The following CUL7 variants were observed in gnomAD, a reference collection of about 807,000 sequenced individuals.
The protein encoded by CUL7 is cullin-7.
Under a neutral mutation model 177.7 loss-of-function variants are expected in CUL7, and 96 were observed. The ratio of observed to expected loss-of-function variants is 0.54; its 90% CI spans 0.46 to 0.64. The LOEUF is 0.64. CUL7 is among the 30% of genes least tolerant of loss of function. CUL7 has a pLI of 0.00. For synonymous variants in CUL7, 824 were observed against 890.2 expected (o/e 0.93, Z 1.32); for missense variants, 1,893 against 2,187.9 (o/e 0.87, Z 2.69).
chr6:43,049,595 G>A lies in CUL7; in HGVS notation c.1637C>T (p.Thr546Ile). ...PIELAQDLLL[T>I]LPQRLNDSAL... ...ACTGTCATTGAGTCGCTGTGGCAGA[G>A]TCAGCAGCAAGTCCTGGGCCAATTC... The change falls in exon 7 of 26, where the codon ACT becomes ATT. Residue 546 changes from threonine to isoleucine, a missense_variant. Thr to Ile is a moderately conservative substitution (Grantham distance 89). Transcript: ENST00000265348. The A allele has an allele frequency of 1.2e-6, 2 of 1,614,222 alleles. No individual in the cohort carries two copies. Among genetic ancestry groups the A allele is most frequent in the Non-Finnish European group, 8.5e-7 (1 of 1,180,028 alleles).
At position 43,043,019 on chromosome 6, in the gene CUL7, C is replaced by A. The variant is rs779836079; in HGVS notation, c.3463-35G>T. ...AGGGGCAGGAGCATGAAGACACAAC[C>A]CAACATGCCACCATTATGGTGTCCC... is the stretch of plus-strand genomic sequence containing the variant. On this transcript the variant is annotated intron_variant, in intron 18 of 25. Transcript: ENST00000265348. The surrounding 1 kb of genome is among the most constrained non-coding windows in gnomAD (Gnocchi z 4.2). 6.8e-6 allele frequency: 11 copies of A among 1,613,526 alleles called. No homozygotes were observed. The highest frequency in any genetic ancestry group is 6.6e-5 in the South Asian group (6 of 91,066).
chr6:43,044,642 G>T, intron 16 of CUL7, 110 bp downstream of exon 16: 1 of 1,445,492 alleles, frequency 6.9e-7, no homozygotes, highest in Non-Finnish European at 9.3e-7. Flanking sequence ...AAATGCAGGT[G>T]CCAAAAGGGC....
At position 43,052,744 on chromosome 6, in the gene CUL7, C is replaced by A; in HGVS notation, c.45G>T (p.Gly15=). Residue 15 remains glycine (G), a synonymous_variant, in exon 2 of 26, where the codon GGG becomes GGT. Transcript: ENST00000265348. The surrounding 1 kb of genome is among the most constrained non-coding windows in gnomAD (Gnocchi z 4.5). The part of the protein sequence containing the change: ...LRYREFRVPL[G]PGLHAYPDEL... Reference sequence around the variant, plus strand: ...CATCAGGATAGGCATGTAAGCCGGGCCCCAGGGGCACCCTGAATTCCCTGT... The same window carrying A: ...CATCAGGATAGGCATGTAAGCCGGGACCCAGGGGCACCCTGAATTCCCTGT... The A allele has an allele frequency of 1.2e-6, 2 of 1,610,562 alleles. No individual in the cohort carries two copies. Among genetic ancestry groups the A allele is most frequent in the Non-Finnish European group, 8.5e-7 (1 of 1,180,024 alleles).
At chr6:43,042,656 C>T in intron 19 of CUL7, 146 bp downstream of exon 19, 6 of 658,718 alleles carry the variant, frequency 9.1e-6, no homozygotes, top group Middle Eastern at 4.1e-4. Context: ...TTATTTTTTT[C>T]AATTTTTTAA....
rs1483402401 is a variant in CUL7, at chr6:43,043,214, G to A, written c.3356-34C>T. ...ACCAAGAAAGTGGCAGAGGCAAGGA[G>A]GGTGCAGCCCCTCCACTCCCAAGTC... On this transcript the variant is annotated intron_variant, in intron 17 of 25. Transcript: ENST00000265348. This position sits in a 1 kb window ranked among gnomAD's most constrained non-coding sequence, Gnocchi z 4.2. The A allele has an allele frequency of 5.1e-6, 8 of 1,557,820 alleles. No homozygotes were observed. The East Asian group carries it at 1.6e-4, about 31-fold the overall frequency.
rs760831651 is a variant in CUL7 at position 43,050,425 on chromosome 6, AG to A, written c.1234-28del. The A allele has an allele frequency of 6.2e-7, 1 of 1,613,514 alleles. No individual in the cohort carries two copies. The highest frequency in any genetic ancestry group is 1.3e-5 in the African/African-American group (1 of 74,930). Reference sequence around the variant, plus strand: ...TGGAGCATAGGGAAAGAAAGAGGGAAGGGGAAGGGAGGACTCACAAATGACT... The same window carrying A: ...TGGAGCATAGGGAAAGAAAGAGGGAAGGGAAGGGAGGACTCACAAATGACT... On this transcript the variant is annotated intron_variant, in intron 4 of 25. Transcript: ENST00000265348. This position sits in a 1 kb window ranked among gnomAD's most constrained non-coding sequence, Gnocchi z 4.1.
rs752831085 is a variant in CUL7, at chr6:43,040,566, T to C, written c.3987A>G (p.Glu1329=). 8.1e-6 allele frequency: 13 copies of C among 1,613,960 alleles called. No individual in the cohort carries two copies. Among genetic ancestry groups the C allele is most frequent in the East Asian group, 2.2e-5 (1 of 44,888 alleles). Residue 1329 remains glutamate (E), a synonymous_variant, in exon 21 of 26, where the codon GAA becomes GAG. Coordinates refer to ENST00000265348, the MANE Select transcript of CUL7 (RefSeq NM_014780.5). The surrounding 1 kb of genome is among the most constrained non-coding windows in gnomAD (Gnocchi z 4.2). ...HVYQLQQLDQ[E]LLKLEDTEKK... Reference sequence around the variant, plus strand: ...TCTCTGTATCCTCCAGCTTCAGGAGTTCCTGATCCAGCTGCTGGAGCTGGT... The same window carrying C: ...TCTCTGTATCCTCCAGCTTCAGGAGCTCCTGATCCAGCTGCTGGAGCTGGT...
intron 12 of CUL7, 49 bp from the exon 13 acceptor site, chr6:43,046,140 G>A: frequency 6.2e-7 from 1 of 1,611,846 alleles, no homozygotes; most frequent in Non-Finnish European, 8.5e-7. Context: ...CAGGGCCCAT[G>A]GCCAAGTCCA....
chr6:43,043,162 T>G lies in CUL7; in HGVS notation c.3374A>C (p.His1125Pro), dbSNP rs750639736. ...TPRPKGRNRS[H>P]DWSSLATRGL... ...CCGGGTAGCCAAGGAGCTCCAGTCG[T>G]GGCTTCTGTTTCTGCCTTCTGTAGA... is the stretch of plus-strand genomic sequence containing the variant. Residue 1125 changes from histidine (H) to proline (P), a missense_variant, in exon 18 of 26, where the codon CAC (histidine) becomes CCC (proline). This residue lies in a region of CUL7 where 973 missense variants were observed against 1,140.9 expected (regional missense o/e 0.85). Coordinates refer to ENST00000265348, the MANE Select transcript of CUL7 (RefSeq NM_014780.5). The surrounding 1 kb of genome is among the most constrained non-coding windows in gnomAD (Gnocchi z 4.2). 6.2e-7 allele frequency: 1 copy of G among 1,614,022 alleles called. No individual in the cohort carries two copies. Among genetic ancestry groups the G allele is most frequent in the Admixed American group, 1.7e-5 (1 of 60,028 alleles).
In CUL7 at chr6:43,050,832, G is replaced by T; in HGVS notation, c.1233+136C>A. On this transcript the variant is annotated intron_variant, in intron 4 of 25. Transcript: ENST00000265348. The surrounding 1 kb of genome is among the most constrained non-coding windows in gnomAD (Gnocchi z 4.1). ...CAGAATGGCCCCCCTCTCAACTACT[G>T]ACTCTTTTCACCATTCCAATCTTAC... 1.7e-6 allele frequency: 2 copies of T among 1,160,276 alleles called. No homozygotes were observed. The highest frequency in any genetic ancestry group is 2.5e-6 in the Non-Finnish European group (2 of 809,180). 71.9% of individuals were successfully genotyped at this position (1,160,276 alleles called of 1,614,324 possible).
Position 43,053,819 on chromosome 6 carries a change from T to C in CUL7, c.-206A>G, listed in dbSNP as rs1281399761. 82 of 1,532,662 alleles carry C rather than the reference T, an allele frequency of 5.4e-5. No homozygotes were observed. Among genetic ancestry groups the C allele is most frequent in the African/African-American group, 8.2e-5 (6 of 72,844 alleles). 94.9% of individuals were successfully genotyped at this position (1,532,662 alleles called of 1,614,324 possible). A position where few individuals can be genotyped will look rare whatever the true frequency, so the allele number is the denominator to read the frequency against. ...GCCACTGGGGCAGGGTGGGGCCCGG[T>C]CCCTGCCAGCGGCTCCGCCAGCCAA... On this transcript the variant is annotated 5_prime_UTR_variant, in exon 1 of 26. Transcript: ENST00000265348. This position sits in a 1 kb window ranked among gnomAD's most constrained non-coding sequence, Gnocchi z 4.1.
intron 9 of CUL7, 32 bp downstream of exon 9, chr6:43,048,116 C>A: frequency 6.8e-7 from 1 of 1,467,006 alleles, no homozygotes; most frequent in East Asian, 2.3e-5. Flanking sequence ...TATCCTCTCC[C>A]CCAGCCTCTC....
Position 43,050,849 on chromosome 6 carries a change from C to T in CUL7, c.1233+119G>A, listed in dbSNP as rs1764336472. Reference sequence around the variant, plus strand: ...CAACTACTGACTCTTTTCACCATTCCAATCTTACCTAAAGCTTTCTCTTTG... The same window carrying T: ...CAACTACTGACTCTTTTCACCATTCTAATCTTACCTAAAGCTTTCTCTTTG... On this transcript the variant is annotated intron_variant, in intron 4 of 25. Transcript: ENST00000265348. This position sits in a 1 kb window ranked among gnomAD's most constrained non-coding sequence, Gnocchi z 4.1. The T allele has an allele frequency of 1.6e-5, 21 of 1,310,616 alleles. No homozygotes were observed. In the South Asian group the frequency reaches 1.8e-4, roughly 11 times the overall value. 81.2% of individuals were successfully genotyped at this position (1,310,616 alleles called of 1,614,324 possible).
At chr6:43,046,718 C>T in intron 10 of CUL7, 117 bp from the exon 11 acceptor site, 1 of 1,480,068 alleles carries the variant, frequency 6.8e-7, no homozygotes, top group South Asian at 1.2e-5. Context: ...ACAGCACCAG[C>T]AGAGCAGGCC....
Position 43,038,024 on chromosome 6 carries a change from A to G in CUL7, c.4774-13T>C. The G allele has an allele frequency of 1.9e-6, 3 of 1,584,878 alleles. No individual in the cohort carries two copies. The highest frequency in any genetic ancestry group is 2.6e-6 in the Non-Finnish European group (3 of 1,164,560). ...AAGCCTCCAGCACCTGGTGTGGGGGAGGAAGGGAGAAGCGGTAGTTTAGAG... is the reference window on the plus strand; with the variant it reads ...AAGCCTCCAGCACCTGGTGTGGGGGGGGAAGGGAGAAGCGGTAGTTTAGAG... On this transcript the variant is annotated splice_polypyrimidine_tract_variant and intron_variant, in intron 25 of 25. Transcript: ENST00000265348.
chr6:43,047,746 T>G (rs1764035590), intron 9 of CUL7, among the ~76,000 whole-genome samples: 1 of 152,190 alleles, frequency 6.6e-6, no homozygotes, highest in Admixed American at 6.5e-5. Flanking sequence ...TTGAAGCTCT[T>G]AATGTTTTAT....
rs775610465 is a variant in CUL7 at position 43,037,880 on chromosome 6, T to C, written c.4905A>G (p.Arg1635=). ...GCACCTGGGGCCGGTCGTCATGGCG[T>C]CTCAGCGTGCCCTTGCCCAGGAGGT... ...ILHLLGKGTL[R]RHDDRPQVLS... is the part of the protein sequence containing the mutation. Residue 1635 remains arginine (R), a synonymous_variant, in exon 26 of 26, where the codon AGA becomes AGG. Transcript: ENST00000265348. 3 of 1,613,718 alleles carry C rather than the reference T, an allele frequency of 1.9e-6. No individual in the cohort carries two copies. Among genetic ancestry groups the C allele is most frequent in the Non-Finnish European group, 2.5e-6 (3 of 1,179,750 alleles).
At position 43,040,730 on chromosome 6, in the gene CUL7, G is replaced by C; in HGVS notation, c.3823C>G (p.Arg1275Gly). 6.2e-7 allele frequency: 1 copy of C among 1,614,110 alleles called. No individual in the cohort carries two copies. Among genetic ancestry groups the C allele is most frequent in the Non-Finnish European group, 8.5e-7 (1 of 1,180,032 alleles). The change falls in exon 21 of 26, where the codon CGT becomes GGT. Residue 1275 changes from arginine to glycine, a missense_variant. Physicochemically the swap from Arg to Gly is moderately radical, Grantham distance 125 (BLOSUM62 -2). This residue lies in a region of CUL7 where 973 missense variants were observed against 1,140.9 expected (regional missense o/e 0.85). Transcript: ENST00000265348. The surrounding 1 kb of genome is among the most constrained non-coding windows in gnomAD (Gnocchi z 4.2). Reference protein sequence around the residue: ...EHYYQHYMADRLLGVVSSWLE... With the variant: ...EHYYQHYMADGLLGVVSSWLE... ...CAGCTCGAGACCACGCCCAGGAGAC[G>C]GTCCGCCATGTAGTGCCTGCAGTGC...
In CUL7 at chr6:43,038,305, C is replaced by T; in HGVS notation, c.4735G>A (p.Gly1579Arg). Residue 1579 changes from glycine (G) to arginine (R), a missense_variant, in exon 25 of 26, where the codon GGA (glycine) becomes AGA (arginine). Physicochemically the swap from Gly to Arg is moderately radical, Grantham distance 125. Around this residue, in one of 5 missense-constraint regions of CUL7, gnomAD observed 248 missense variants for 262.5 expected, o/e 0.94. Coordinates refer to ENST00000265348, the MANE Select transcript of CUL7 (RefSeq NM_014780.5). ...CLIVRILKAH[G>R]DEGLHIDQLV... ...TGGTCAATGTGCAGCCCCTCATCTCCATGGGCCTTGAGGATTCGGACGATG... is the reference window on the plus strand; with the variant it reads ...TGGTCAATGTGCAGCCCCTCATCTCTATGGGCCTTGAGGATTCGGACGATG... The T allele has an allele frequency of 6.2e-7, 1 of 1,614,212 alleles. No individual in the cohort carries two copies. The highest frequency in any genetic ancestry group is 2.2e-5 in the East Asian group (1 of 44,892).
Sources: gnomAD v4.1 joint callset for allele counts (sites outside exome capture counted in the v4.1 genomes callset) on GRCh38, gnomAD v4.1.1 for gene constraint, gnomAD v4.1.1 regional missense constraint, Gnocchi (gnomAD v3.1) non-coding constraint, MANE v1.5 for transcripts, NCBI Gene and HGNC (gene_info 2026-07-23, HGNC 2026-07-21) for gene names.